GALC: variants seen among roughly 807,000 people sequenced by gnomAD.
The protein encoded by GALC is galactocerebrosidase.
Under a neutral mutation model 91.8 loss-of-function variants are expected in GALC, and 77 were observed. The ratio of observed to expected loss-of-function variants is 0.84; its 90% CI spans 0.70 to 1.01. The LOEUF is 1.01. GALC is among the 50% of genes least tolerant of loss of function. GALC has a pLI of 0.00. For synonymous variants in GALC, 357 were observed against 306.7 expected (o/e 1.16, Z -1.71); for missense variants, 882 against 855.9 (o/e 1.03, Z -0.38).
At chr14:87,985,020 G>GTC (rs1461643547) in intron 4 of GALC, among the ~76,000 whole-genome samples, 1 of 152,052 alleles carries the variant, frequency 6.6e-6, no homozygotes, top group Non-Finnish European at 1.5e-5. Flanking sequence ...ATATTAATCA[G>GTC]TCAGGCAATC....
Position 87,968,327 on chromosome 14 carries a change from T to C in GALC, c.908+8A>G. ...GATAAGAACTCTAAAAGGTTTTTAATAACTTACGAAGTCATATAGCCATTG... is the reference window on the plus strand; with the variant it reads ...GATAAGAACTCTAAAAGGTTTTTAACAACTTACGAAGTCATATAGCCATTG... On this transcript the variant is annotated splice_region_variant and intron_variant, in intron 8 of 16. Transcript: ENST00000261304. 6.2e-7 allele frequency: 1 copy of C among 1,604,324 alleles called. No individual in the cohort carries two copies. Among genetic ancestry groups the C allele is most frequent in the South Asian group, 1.1e-5 (1 of 89,714 alleles).
At chr14:87,967,001 T>C (rs1404555483) in intron 8 of GALC, among the ~76,000 whole-genome samples, 1 of 152,178 alleles carries the variant, frequency 6.6e-6, no homozygotes, top group Non-Finnish European at 1.5e-5. Flanking sequence ...GCCTTCCCTG[T>C]AGATTCTGAT....
At chr14:87,978,630 A>G (rs1429913297) in intron 6 of GALC, among the ~76,000 whole-genome samples, 1 of 152,218 alleles carries the variant, frequency 6.6e-6, no homozygotes. Context: ...CTCATCCAGA[A>G]AAAGCTTAAA....
intron 5 of GALC, 36 bp downstream of exon 5, chr14:87,984,358 T>A (rs776460735): frequency 6.3e-7 from 1 of 1,581,694 alleles, no homozygotes; most frequent in Non-Finnish European, 8.6e-7. Context: ...CAAACAAATG[T>A]CCAAAACTGA....
intron 12 of GALC, 126 bp from the exon 13 acceptor site, chr14:87,948,004 T>C (rs1885146918): frequency 1.2e-6 from 1 of 832,386 alleles, no homozygotes; most frequent in African/African-American, 1.7e-5. Context: ...TTCCTAAACA[T>C]TTGTGGAAAA....
chr14:87,984,352 C>CA, intron 5 of GALC, 42 bp downstream of exon 5: 1 of 1,567,366 alleles, frequency 6.4e-7, no homozygotes, highest in Non-Finnish European at 8.7e-7. Context: ...AAATTACAAA[C>CA]AAATGTCCAA....
intron 14 of GALC, among the ~76,000 whole-genome samples, chr14:87,942,976 T>A (rs1884920449): frequency 6.6e-6 from 1 of 152,038 alleles, no homozygotes; most frequent in African/African-American, 2.4e-5. Flanking sequence ...CATCAGAAGT[T>A]TGAAAGTGCT....
chr14:87,964,933 C>G (rs1309332035), intron 9 of GALC, among the ~76,000 whole-genome samples: 1 of 152,140 alleles, frequency 6.6e-6, no homozygotes, highest in Non-Finnish European at 1.5e-5. Context: ...ATCTTTTGAG[C>G]TTTACATTGT....
At chr14:87,954,497 C>T (rs1885435961) in intron 10 of GALC, 1 of 1,565,752 alleles carries the variant, frequency 6.4e-7, no homozygotes, top group African/African-American at 1.4e-5. Context: ...CAATTACACA[C>T]TAGAAAACCT....
At position 87,983,048 on chromosome 14, in the gene GALC, A is replaced by G. The variant is rs1886812812; in HGVS notation, c.583-805T>C. On this transcript the variant is annotated intron_variant, in intron 5 of 16. Transcript: ENST00000261304. ...GGTTATAAATGTCCTGACATTTAAG[A>G]AAGTTCTCCGGCCAGGCGTGGTGGC... Among the ~76,000 whole-genome samples the G allele has an allele frequency of 3.3e-5, 5 of 152,310 alleles. No individual in the cohort carries two copies. In the South Asian group the frequency reaches 1.0e-3, roughly 32 times the overall value.
chr14:87,944,090 G>A (rs2269312), intron 14 of GALC, among the ~76,000 whole-genome samples: 49,830 of 151,602 alleles, frequency 0.33, 9,201 homozygotes, highest in East Asian at 0.58. Context: ...CCCATCCCTC[G>A]TCCCCACCTC....
At chr14:87,945,792 C>T in intron 13 of GALC, 59 bp from the exon 14 acceptor site, 1 of 1,308,792 alleles carries the variant, frequency 7.6e-7, no homozygotes. Context: ...GCTCTCCTTG[C>T]TGATATTTTA....
At position 87,933,775 on chromosome 14, in the gene GALC, G is replaced by C; in HGVS notation, c.*957C>G. 1 of 504,624 alleles carries C rather than the reference G, an allele frequency of 2.0e-6. No homozygotes were observed. The highest frequency in any genetic ancestry group is 3.5e-6 in the Non-Finnish European group (1 of 284,288). The allele number at this position is 504,624 out of a possible 1,614,324, so 31.3% of individuals were successfully genotyped here. A position where few individuals can be genotyped will look rare whatever the true frequency, so the allele number is the denominator to read the frequency against. ...GTATATTTAAATATAAACATATTTG[G>C]ACTTTAAAAAGTAAGTACATCTTAG... On this transcript the variant is annotated 3_prime_UTR_variant, in exon 17 of 17. Coordinates refer to ENST00000261304, the MANE Select transcript of GALC (RefSeq NM_000153.4).
In GALC at chr14:87,966,672, T is replaced by TAG. The variant is rs1886068744; in HGVS notation, c.909-1045_909-1044dup. ...GTGTGGTATCCTTTCTGGCTAGTGATAGATGTATAACTCAAGACAAGCTTT... is the reference window on the plus strand; with the variant it reads ...GTGTGGTATCCTTTCTGGCTAGTGATAGAGATGTATAACTCAAGACAAGCTTT... On this transcript the variant is annotated intron_variant, in intron 8 of 16. Transcript: ENST00000261304. Among the ~76,000 whole-genome samples, 3 of 152,204 alleles carry TAG rather than the reference T, an allele frequency of 2.0e-5. No individual in the cohort carries two copies. In the South Asian group the frequency reaches 6.2e-4, roughly 31 times the overall value.
Position 87,984,295 on chromosome 14 carries a change from G to A in GALC, c.582+99C>T, listed in dbSNP as rs17798011. 0.14 allele frequency: 160,335 copies of A among 1,158,086 alleles called. 12,298 individuals carry two copies. Among genetic ancestry groups the A allele is most frequent in the Non-Finnish European group, 0.16 (125,850 of 809,424 alleles). The allele number at this position is 1,158,086 out of a possible 1,614,324, so 71.7% of individuals were successfully genotyped here. A position where few individuals can be genotyped will look rare whatever the true frequency, so the allele number is the denominator to read the frequency against. ...ACCATTAGAACAAATTAGCCTCATG[G>A]CATAAAATGGTTAGTCAAAAAGTAC... On this transcript the variant is annotated intron_variant, in intron 5 of 16. Coordinates refer to ENST00000261304, the MANE Select transcript of GALC (RefSeq NM_000153.4).
chr14:87,988,794 T>G (rs1887077148), intron 1 of GALC, among the ~76,000 whole-genome samples: 2 of 152,188 alleles, frequency 1.3e-5, no homozygotes, highest in African/African-American at 4.8e-5. Flanking sequence ...ATCACAAACT[T>G]ATCTTGAAAC....
intron 6 of GALC, chr14:87,980,461 C>G (rs1364351996): frequency 1.0e-6 from 1 of 972,864 alleles, no homozygotes; most frequent in African/African-American, 1.8e-5. Context: ...CCTCCATTGT[C>G]TAATCCATCT....
chr14:87,992,576 T>C, intron 1 of GALC: 1 of 1,485,984 alleles, frequency 6.7e-7, no homozygotes, highest in East Asian at 2.5e-5. Flanking sequence ...ACACGGACGC[T>C]CCCGCACTCC....
chr14:87,959,169 T>C (rs1287182695), intron 10 of GALC, among the ~76,000 whole-genome samples: 1 of 151,980 alleles, frequency 6.6e-6, no homozygotes, highest in Non-Finnish European at 1.5e-5. Context: ...AAGACTGTAA[T>C]AGACATTTCT....
Sources: gnomAD v4.1 joint callset for allele counts (sites outside exome capture counted in the v4.1 genomes callset) on GRCh38, gnomAD v4.1.1 for gene constraint, MANE v1.5 for transcripts, NCBI Gene and HGNC (gene_info 2026-07-23, HGNC 2026-07-21) for gene names.